CNTNAP4: variants seen among roughly 807,000 people sequenced by gnomAD.
CNTNAP4 encodes contactin-associated protein-like 4.
CNTNAP4 carries 98 observed loss-of-function variants against 148.4 expected under a neutral mutation model. That is an observed-to-expected ratio of 0.66 (90% CI 0.56 to 0.78). The LOEUF (loss-of-function observed/expected upper bound fraction) is 0.78, where lower values mean the gene tolerates loss of function less well. Among genes scored for constraint, CNTNAP4 ranks in the 30% least tolerant of loss-of-function variants. The probability of loss-of-function intolerance (pLI) is 0.00; values close to 1 mark genes in which losing one functional copy is unlikely to be tolerated. For missense variants in CNTNAP4, 1,935 were observed against 1,565.6 expected (o/e 1.24, Z -3.98); for synonymous variants, 730 against 565.1 (o/e 1.29, Z -4.14).
chr16:76,296,094 C>T (rs1454237432), intron 1 of CNTNAP4, among the ~76,000 whole-genome samples: 1 of 152,146 alleles, frequency 6.6e-6, no homozygotes, highest in Non-Finnish European at 1.5e-5. Context: ...GTGATTTCTA[C>T]AATGCAATGT....
chr16:76,406,558 A>G (rs2078606150), intron 3 of CNTNAP4, among the ~76,000 whole-genome samples: 1 of 152,136 alleles, frequency 6.6e-6, no homozygotes, highest in Non-Finnish European at 1.5e-5. Context: ...TGCAGCAAAC[A>G]TTTAGCCAAG....
intron 1 of CNTNAP4, among the ~76,000 whole-genome samples, chr16:76,300,972 A>C (rs577158533): frequency 6.6e-6 from 1 of 151,574 alleles, no homozygotes; most frequent in African/African-American, 2.4e-5. Flanking sequence ...GTTTTAGGGT[A>C]CTTTTATAAA....
At chr16:76,317,265 CAAAA>C (rs1302355658) in intron 2 of CNTNAP4, among the ~76,000 whole-genome samples, 126 of 44,370 alleles carry the variant, frequency 2.8e-3, no homozygotes, top group African/African-American at 9.8e-3. Context: ...AAAAAAAAAA[CAAAA>C]AAAAAAACCA....
chr16:76,498,801 T>C, intron 15 of CNTNAP4, 107 bp downstream of exon 15: 2 of 1,129,392 alleles, frequency 1.8e-6, no homozygotes, highest in East Asian at 5.7e-5. Context: ...ATCAGACTTC[T>C]ATTGTGAACA....
chr16:76,535,794 G>A lies in CNTNAP4; in HGVS notation c.2995+10G>A. 1 of 1,607,984 alleles carries A rather than the reference G, an allele frequency of 6.2e-7. No individual in the cohort carries two copies. Among genetic ancestry groups the A allele is most frequent in the Non-Finnish European group, 8.5e-7 (1 of 1,175,540 alleles). On this transcript the variant is annotated intron_variant, in intron 18 of 23. Coordinates refer to ENST00000611870, the MANE Select transcript of CNTNAP4 (RefSeq NM_033401.5). ...CCATTCTGCTCAAATGGTAAGTGTGGCATGGAAGACTGTAAGAGGAAAATT... is the reference window on the plus strand; with the variant it reads ...CCATTCTGCTCAAATGGTAAGTGTGACATGGAAGACTGTAAGAGGAAAATT...
At chr16:76,388,396 G>A (rs1013055594) in intron 3 of CNTNAP4, among the ~76,000 whole-genome samples, 1 of 152,182 alleles carries the variant, frequency 6.6e-6, no homozygotes, top group Non-Finnish European at 1.5e-5. Flanking sequence ...CTTACTTGAG[G>A]CAGTAATGAA....
At chr16:76,436,961 A>ATATCTATCTATCTATCTATC (rs780750972) in intron 4 of CNTNAP4, among the ~76,000 whole-genome samples, 3,314 of 140,256 alleles carry the variant, frequency 0.024, 47 homozygotes, top group Middle Eastern at 0.03. Context: ...CTAATACAGA[A>ATATCTATCTATCTATCTATC]TATCTATCTA....
At chr16:76,515,647 A>C (rs12930430) in intron 15 of CNTNAP4, among the ~76,000 whole-genome samples, 1 of 152,028 alleles carries the variant, frequency 6.6e-6, no homozygotes, top group African/African-American at 2.4e-5. Flanking sequence ...GACTAACACA[A>C]TGGGCAAAAG....
At chr16:76,329,396 T>C (rs1477495521) in intron 2 of CNTNAP4, among the ~76,000 whole-genome samples, 2 of 152,224 alleles carry the variant, frequency 1.3e-5, no homozygotes, top group African/African-American at 4.8e-5. Context: ...TAGTAATACT[T>C]TCTATTTGTT....
chr16:76,402,129 T>C (rs2078441064), intron 3 of CNTNAP4, among the ~76,000 whole-genome samples: 1 of 152,198 alleles, frequency 6.6e-6, no homozygotes, highest in African/African-American at 2.4e-5. Flanking sequence ...TACCAGCTCT[T>C]CTTTGTACAT....
intron 8 of CNTNAP4, among the ~76,000 whole-genome samples, chr16:76,460,773 A>AAAAAAATATATATATATATATATAT: frequency 1.0e-4 from 6 of 57,276 alleles, no homozygotes; most frequent in Admixed American, 2.4e-4. Context: ...AAAAAAAAAA[A>AAAAAAATATATATATATATATATAT]ATATATATAT....
intron 10 of CNTNAP4, among the ~76,000 whole-genome samples, chr16:76,471,011 C>G (rs1028678327): frequency 6.6e-6 from 1 of 151,152 alleles, no homozygotes; most frequent in Non-Finnish European, 1.5e-5. Context: ...CACACACAAC[C>G]ATCCTTTTAC....
rs748873247 is a variant in CNTNAP4, at chr16:76,479,571, T to C, written c.1882+33T>C. The C allele has an allele frequency of 5.7e-6, 9 of 1,589,592 alleles. No homozygotes were observed. In the African/African-American group the frequency reaches 1.2e-4, roughly 22 times the overall value. The stretch of plus-strand genomic sequence containing the variant: ...AATCAGCTTTTATTTTACAGTTAAA[T>C]TTGCATGCATGTTTTAAATAGGCAA... On this transcript the variant is annotated intron_variant, in intron 12 of 23. Transcript: ENST00000611870.
intron 2 of CNTNAP4, among the ~76,000 whole-genome samples, chr16:76,336,122 A>C (rs1487086244): frequency 2.6e-5 from 4 of 152,182 alleles, no homozygotes; most frequent in Non-Finnish European, 5.9e-5. Context: ...AACTGGACTG[A>C]CTTCCTCTGG....
At position 76,448,130 on chromosome 16, in the gene CNTNAP4, G is replaced by C. The variant is rs758539024; in HGVS notation, c.657G>C (p.Gly219=). ...AATTCAAAACCATGCAGAGTGATGG[G>C]ATTCTACTCCACAGGGAAGGGCCAA... The part of the protein sequence containing the change: ...SLKFKTMQSD[G]ILLHREGPNG... The change falls in exon 5 of 24, where the codon GGG becomes GGC. Residue 219 remains glycine, a synonymous_variant. Coordinates refer to ENST00000611870, the MANE Select transcript of CNTNAP4 (RefSeq NM_033401.5). The C allele has an allele frequency of 1.2e-5, 19 of 1,613,236 alleles. No homozygotes were observed. The highest frequency in any genetic ancestry group is 1.4e-5 in the Non-Finnish European group (16 of 1,179,450).
At chr16:76,357,754 T>C (rs2012877489) in intron 3 of CNTNAP4, among the ~76,000 whole-genome samples, 1 of 152,232 alleles carries the variant, frequency 6.6e-6, no homozygotes, top group African/African-American at 2.4e-5. Flanking sequence ...GACTCTCTCT[T>C]GCCTCCATCA....
chr16:76,279,122 A>G, intron 1 of CNTNAP4, among the ~76,000 whole-genome samples: 1 of 152,116 alleles, frequency 6.6e-6, no homozygotes, highest in Non-Finnish European at 1.5e-5. Flanking sequence ...TAACAACAAC[A>G]CCCACACACA....
chr16:76,504,468 A>G (rs1477073057), intron 15 of CNTNAP4, among the ~76,000 whole-genome samples: 1 of 152,150 alleles, frequency 6.6e-6, no homozygotes, highest in Admixed American at 6.5e-5. Flanking sequence ...AAATTAACTC[A>G]AGATTAATCA....
intron 3 of CNTNAP4, among the ~76,000 whole-genome samples, chr16:76,371,183 T>A (rs2014775571): frequency 6.6e-6 from 1 of 152,224 alleles, no homozygotes; most frequent in African/African-American, 2.4e-5. Context: ...GCAAACATCT[T>A]ACAGATGATC....
Sources: gnomAD v4.1 joint callset for allele counts (sites outside exome capture counted in the v4.1 genomes callset) on GRCh38, gnomAD v4.1.1 for gene constraint, MANE v1.5 for transcripts, NCBI Gene and HGNC (gene_info 2026-07-23, HGNC 2026-07-21) for gene names.